Variants in SV2C observed in about 807,000 individuals in gnomAD.
SV2C encodes the protein synaptic vesicle glycoprotein 2C.
In SV2C, 49 loss-of-function variants were observed where a neutral mutation model predicts 79.7. That is an observed-to-expected ratio of 0.61 (90% CI 0.49 to 0.78). SV2C has a LOEUF of 0.78. Ranked by LOEUF, SV2C falls within the 30% of genes least tolerant of loss-of-function variation. The pLI, the probability that SV2C is intolerant of heterozygous loss-of-function variation, is 0.00. For missense variants in SV2C, 833 were observed against 912.9 expected, an observed-to-expected ratio of 0.91 and a Z score of 1.13; for synonymous variants, 334 against 333.2, an observed-to-expected ratio of 1.00 and a Z score of -0.03.
chr5:75,919,204 T>G, the SV2C span, among the ~76,000 whole-genome samples: 1 of 152,202 alleles, frequency 6.6e-6, no homozygotes, highest in Non-Finnish European at 1.5e-5. Context: ...CTGGATAGCA[T>G]GATGATCCAG....
chr5:76,007,006 TCA>T, the SV2C span, among the ~76,000 whole-genome samples: 1 of 152,026 alleles, frequency 6.6e-6, no homozygotes, highest in African/African-American at 2.4e-5. Flanking sequence ...CACAACAACT[TCA>T]CAGTGTAAGT....
upstream of SV2C, chr5:76,078,956 G>T (rs966067151): frequency 1.9e-6 from 1 of 519,414 alleles, no homozygotes; most frequent in African/African-American, 2.0e-5. Flanking sequence ...GTAGAAAAAA[G>T]AATGAAAGAA....
intron 4 of SV2C, among the ~76,000 whole-genome samples, chr5:76,257,025 A>T (rs57600986): frequency 6.6e-6 from 1 of 152,162 alleles, no homozygotes; most frequent in African/African-American, 2.4e-5. Flanking sequence ...ATCAAAGCAC[A>T]TTTCCATTTT....
chr5:76,148,660 C>G (rs1288932329), intron 2 of SV2C, among the ~76,000 whole-genome samples: 1 of 152,134 alleles, frequency 6.6e-6, no homozygotes, highest in Non-Finnish European at 1.5e-5. Flanking sequence ...CACTATCTTG[C>G]CCAGGCTGGT....
chr5:76,225,214 G>A lies in SV2C; in HGVS notation c.913+15327G>A, dbSNP rs1458345911. Among the ~76,000 whole-genome samples the A allele has an allele frequency of 3.9e-5, 6 of 152,186 alleles. No homozygotes were observed. In the East Asian group the frequency reaches 1.2e-3, roughly 29 times the overall value. On this transcript the variant is annotated intron_variant, in intron 4 of 12. Transcript: ENST00000502798. ...TAATTATGCAGTGAAGTAATTCCTAGGGATCCTTCTCAATGATGGAAGGGG... is the reference window on the plus strand; with the variant it reads ...TAATTATGCAGTGAAGTAATTCCTAAGGATCCTTCTCAATGATGGAAGGGG...
At chr5:76,119,608 ATG>A (rs1748412429) in intron 1 of SV2C, among the ~76,000 whole-genome samples, 1 of 152,118 alleles carries the variant, frequency 6.6e-6, no homozygotes, top group Non-Finnish European at 1.5e-5. Flanking sequence ...TTTCTGTACA[ATG>A]TGGAAATCCA....
chr5:75,905,303 G>A, the SV2C span, among the ~76,000 whole-genome samples: 4 of 152,164 alleles, frequency 2.6e-5, no homozygotes, highest in South Asian at 2.1e-4. Flanking sequence ...TGTAATAACC[G>A]TCAAATGCCA....
In SV2C at chr5:76,285,870, G is replaced by C; in HGVS notation, c.1137G>C (p.Thr379=). 1 of 1,613,248 alleles carries C rather than the reference G, an allele frequency of 6.2e-7. No individual in the cohort carries two copies. Among genetic ancestry groups the C allele is most frequent in the Non-Finnish European group, 8.5e-7 (1 of 1,179,514 alleles). Residue 379 remains threonine, a splice_region_variant and synonymous_variant, in exon 6 of 13, where the codon ACG becomes ACC. Coordinates refer to ENST00000502798, the MANE Select transcript of SV2C (RefSeq NM_014979.4). The part of the protein sequence containing the change: ...RARGQPEKVF[T]VNKIKTPKQI... ...GGGGTCAGCCTGAGAAGGTCTTCAC[G>C]GTGAGTCTTCTCCCCAGAGAATCCT...
chr5:75,858,152 G>A, the SV2C span, among the ~76,000 whole-genome samples: 1 of 152,198 alleles, frequency 6.6e-6, no homozygotes, highest in Non-Finnish European at 1.5e-5. Context: ...GTGAATAACA[G>A]TGGCGGAAGT....
the SV2C span, among the ~76,000 whole-genome samples, chr5:75,886,474 G>A: frequency 6.6e-6 from 1 of 152,090 alleles, no homozygotes; most frequent in African/African-American, 2.4e-5. Flanking sequence ...CATTTGAGCA[G>A]AAAGATTCTT....
intron 4 of SV2C, among the ~76,000 whole-genome samples, chr5:76,282,187 G>A (rs574147771): frequency 6.6e-6 from 1 of 152,204 alleles, no homozygotes; most frequent in Non-Finnish European, 1.5e-5. Flanking sequence ...TGGCAATGCA[G>A]ATATAATAAG....
chr5:76,295,723 C>A, intron 8 of SV2C, 55 bp from the exon 9 acceptor site: 4 of 1,556,754 alleles, frequency 2.6e-6, no homozygotes, highest in Non-Finnish European at 3.5e-6. Context: ...GGGAGTTGCT[C>A]ATTGCCTCTG....
chr5:75,951,581 G>T, the SV2C span, among the ~76,000 whole-genome samples: 39 of 152,142 alleles, frequency 2.6e-4, no homozygotes, highest in South Asian at 5.2e-3. Context: ...AAGCCAGAAG[G>T]TAATAAAAGA....
chr5:75,957,254 C>A, the SV2C span, among the ~76,000 whole-genome samples: 1 of 151,974 alleles, frequency 6.6e-6, no homozygotes, highest in African/African-American at 2.4e-5. Flanking sequence ...AGATTAGTAA[C>A]ATCTACTAAG....
At chr5:76,005,128 G>A in the SV2C span, among the ~76,000 whole-genome samples, 4 of 152,192 alleles carry the variant, frequency 2.6e-5, no homozygotes, top group Admixed American at 6.5e-5. Context: ...TTTCTCTGAG[G>A]TGACTTGTAG....
the SV2C span, among the ~76,000 whole-genome samples, chr5:76,069,278 C>A: frequency 3.9e-5 from 6 of 152,146 alleles, no homozygotes; most frequent in Non-Finnish European, 7.3e-5. Flanking sequence ...GGCCATCTGT[C>A]TGACTTTATG....
At chr5:76,352,262 G>GA (rs1009954562) in intron 12 of SV2C, among the ~76,000 whole-genome samples, 5 of 150,568 alleles carry the variant, frequency 3.3e-5, no homozygotes, top group African/African-American at 7.3e-5. Flanking sequence ...TCCAACAAGA[G>GA]AAAAAAAAAG....
At chr5:76,161,199 G>C (rs1369222867) in intron 2 of SV2C, among the ~76,000 whole-genome samples, 1 of 152,152 alleles carries the variant, frequency 6.6e-6, no homozygotes, top group African/African-American at 2.4e-5. Flanking sequence ...AAGGAATGAA[G>C]TACAGAAGCA....
At chr5:76,314,298 T>G (rs1396880998) in intron 12 of SV2C, among the ~76,000 whole-genome samples, 3 of 152,206 alleles carry the variant, frequency 2.0e-5, no homozygotes, top group Admixed American at 1.3e-4. Flanking sequence ...AGCACTGGTC[T>G]TCAGTCCTCT....
Sources: allele counts gnomAD v4.1 joint callset (sites outside exome capture counted in the v4.1 genomes callset), GRCh38; gene constraint gnomAD v4.1.1; transcripts MANE v1.5; gene names NCBI Gene and HGNC (gene_info 2026-07-23, HGNC 2026-07-21).